RTN1: variants seen among roughly 807,000 people sequenced by gnomAD.
RTN1 encodes the protein reticulon 1, also known as reticulon-1.
RTN1 carries 25 observed loss-of-function variants against 65.5 expected under a neutral mutation model. That is an observed-to-expected ratio of 0.38 (90% CI 0.28 to 0.53). RTN1 has a LOEUF of 0.53. Among genes scored for constraint, RTN1 ranks in the 20% least tolerant of loss-of-function variants. The pLI is 0.79. For synonymous variants in RTN1, 471 were observed against 447.6 expected (o/e 1.05, Z -0.66); for missense variants, 983 against 1,025.4 (o/e 0.96, Z 0.57).
At chr14:59,695,061 C>T (rs924935932) in intron 3 of RTN1, among the ~76,000 whole-genome samples, 5 of 152,096 alleles carry the variant, frequency 3.3e-5, no homozygotes, top group African/African-American at 1.2e-4. Context: ...ACAGCAATAC[C>T]AGCTTCTCAG....
intron 1 of RTN1, among the ~76,000 whole-genome samples, chr14:59,776,842 C>T (rs1250027184): frequency 3.3e-5 from 5 of 152,096 alleles, no homozygotes; most frequent in African/African-American, 4.8e-5. Context: ...ACTCAGTTTA[C>T]CAGAAATAAA....
At chr14:59,726,791 C>G in intron 3 of RTN1, 128 bp downstream of exon 3, 2 of 793,346 alleles carry the variant, frequency 2.5e-6, no homozygotes, top group South Asian at 3.7e-5. Context: ...CCCCTGGAAC[C>G]GTTCTCTGGT....
At chr14:59,627,035 G>A (rs948513742) in intron 3 of RTN1, among the ~76,000 whole-genome samples, 1 of 152,144 alleles carries the variant, frequency 6.6e-6, no homozygotes, top group African/African-American at 2.4e-5. Context: ...GAGATGGGAG[G>A]AGTTATGGAT....
chr14:59,811,088 G>C (rs140160474), intron 1 of RTN1, among the ~76,000 whole-genome samples: 146 of 152,282 alleles, frequency 9.6e-4, no homozygotes, highest in African/African-American at 3.3e-3. Context: ...TCTCTCACTT[G>C]ATCTATATTT....
chr14:59,738,022 A>G (rs979663556), intron 2 of RTN1, among the ~76,000 whole-genome samples: 2 of 152,234 alleles, frequency 1.3e-5, no homozygotes, highest in Admixed American at 6.5e-5. Flanking sequence ...AAGATGGATT[A>G]AAGACTTAAA....
intron 8 of RTN1, among the ~76,000 whole-genome samples, chr14:59,602,125 A>G (rs554063482): frequency 6.6e-6 from 1 of 152,276 alleles, no homozygotes; most frequent in African/African-American, 2.4e-5. Flanking sequence ...AGCACATCAC[A>G]TATAATCTAA....
intron 1 of RTN1, among the ~76,000 whole-genome samples, chr14:59,793,708 TC>T (rs1188903981): frequency 1.3e-5 from 2 of 151,546 alleles, no homozygotes; most frequent in Non-Finnish European, 2.9e-5. Context: ...AGATACACAT[TC>T]TTTTTCCTTT....
At chr14:59,801,651 T>G (rs1250707327) in intron 1 of RTN1, among the ~76,000 whole-genome samples, 1 of 152,138 alleles carries the variant, frequency 6.6e-6, no homozygotes, top group Admixed American at 6.5e-5. Flanking sequence ...ATTTCATATA[T>G]ATGTAACTAC....
At chr14:59,751,086 A>T (rs1369484813) in intron 1 of RTN1, among the ~76,000 whole-genome samples, 2 of 151,908 alleles carry the variant, frequency 1.3e-5, no homozygotes, top group African/African-American at 4.8e-5. Context: ...ACAGGTTAGA[A>T]GATTCCCCCA....
chr14:59,830,406 T>G lies in RTN1; in HGVS notation c.241+39984A>C, dbSNP rs75973821. On this transcript the variant is annotated intron_variant, in intron 1 of 8. Transcript: ENST00000267484. ...ATCCTTTCATAACGTCAAGGAAGCT[T>G]AGGGAAGTCTCTATCTGGGTAGCAA... 3.4e-3 allele frequency among the ~76,000 whole-genome samples: 514 copies of G among 152,248 alleles called. 17 individuals carry two copies. In the East Asian group the frequency reaches 0.058, roughly 17 times the overall value.
intron 1 of RTN1, among the ~76,000 whole-genome samples, chr14:59,861,175 G>T (rs1887702728): frequency 6.6e-6 from 1 of 152,108 alleles, no homozygotes; most frequent in Non-Finnish European, 1.5e-5. Flanking sequence ...ATTCCCACGT[G>T]TTATGTGAGG....
At chr14:59,861,690 C>T (rs561075567) in intron 1 of RTN1, among the ~76,000 whole-genome samples, 1 of 152,314 alleles carries the variant, frequency 6.6e-6, no homozygotes, top group South Asian at 2.1e-4. Context: ...AAGAAATCTA[C>T]TTCTCCACAT....
chr14:59,746,540 G>C, intron 1 of RTN1, 59 bp from the exon 2 acceptor site: 1 of 1,435,352 alleles, frequency 7.0e-7, no homozygotes, highest in South Asian at 1.4e-5. Context: ...TCTCTCTCTT[G>C]TCTAACCCAC....
At chr14:59,651,901 G>A (rs1165397021) in intron 3 of RTN1, among the ~76,000 whole-genome samples, 1 of 151,978 alleles carries the variant, frequency 6.6e-6, no homozygotes, top group East Asian at 1.9e-4. Flanking sequence ...TCAATAAACA[G>A]ACAACCTACA....
intron 3 of RTN1, among the ~76,000 whole-genome samples, chr14:59,642,148 A>T (rs1882794497): frequency 6.6e-6 from 1 of 152,160 alleles, no homozygotes; most frequent in South Asian, 2.1e-4. Context: ...TCTTTCAGCA[A>T]TTTAAATATT....
intron 1 of RTN1, among the ~76,000 whole-genome samples, chr14:59,773,599 G>T (rs1466062631): frequency 6.6e-6 from 1 of 152,072 alleles, no homozygotes; most frequent in Admixed American, 6.5e-5. Flanking sequence ...ATCAGATGCA[G>T]TCTTTCCATC....
At chr14:59,754,051 T>C (rs1360312008) in intron 1 of RTN1, among the ~76,000 whole-genome samples, 1 of 152,290 alleles carries the variant, frequency 6.6e-6, no homozygotes, top group South Asian at 2.1e-4. Flanking sequence ...GCATTTAAAA[T>C]GGCATTGATT....
At chr14:59,655,429 T>C (rs1034890884) in intron 3 of RTN1, among the ~76,000 whole-genome samples, 1 of 152,224 alleles carries the variant, frequency 6.6e-6, no homozygotes. Context: ...TGTCATTTAG[T>C]TTATTGTTTG....
At chr14:59,654,613 A>G (rs1018329965) in intron 3 of RTN1, among the ~76,000 whole-genome samples, 4 of 152,110 alleles carry the variant, frequency 2.6e-5, no homozygotes, top group African/African-American at 9.7e-5. Context: ...AGCAACATAT[A>G]AAAAGGATAC....
Sources: allele counts gnomAD v4.1 joint callset (sites outside exome capture counted in the v4.1 genomes callset), GRCh38; gene constraint gnomAD v4.1.1; transcripts MANE v1.5; gene names NCBI Gene and HGNC (gene_info 2026-07-23, HGNC 2026-07-21).